PDE4D: variants seen among roughly 807,000 people sequenced by gnomAD.
PDE4D encodes the protein 3',5'-cyclic-AMP phosphodiesterase 4D.
PDE4D carries 24 observed loss-of-function variants against 87.4 expected under a neutral mutation model. The observed-to-expected ratio is 0.27, with a 90% confidence interval of 0.20 to 0.39. PDE4D has a LOEUF of 0.39. Among genes scored for constraint, PDE4D ranks in the 10% least tolerant of loss-of-function variants. The pLI is 1.00. For missense variants in PDE4D, 714 were observed against 1,041.0 expected, an observed-to-expected ratio of 0.69 and a Z score of 4.32; for synonymous variants, 384 against 383.2, an observed-to-expected ratio of 1.00 and a Z score of -0.02.
At chr5:60,403,014 C>G (rs531510390) in intron 1 of PDE4D, among the ~76,000 whole-genome samples, 147 of 152,256 alleles carry the variant, frequency 9.7e-4, no homozygotes, top group African/African-American at 3.4e-3. Context: ...AGAAACCAAA[C>G]CATTTACAGA....
At chr5:60,128,114 G>T (rs1403171581) in intron 2 of PDE4D, among the ~76,000 whole-genome samples, 1 of 152,142 alleles carries the variant, frequency 6.6e-6, no homozygotes, top group Admixed American at 6.6e-5. Context: ...GAAAAGATCT[G>T]CAATAAGGCA....
At chr5:60,041,903 A>G (rs1768540162) in intron 2 of PDE4D, among the ~76,000 whole-genome samples, 1 of 115,198 alleles carries the variant, frequency 8.7e-6, no homozygotes, top group East Asian at 4.4e-4. Flanking sequence ...AGCTAGCTGC[A>G]GGATTTTTTT....
chr5:59,348,416 A>T (rs2153585366), intron 1 of PDE4D, among the ~76,000 whole-genome samples: 1 of 149,892 alleles, frequency 6.7e-6, no homozygotes, highest in Admixed American at 6.7e-5. Context: ...CACAGAAATC[A>T]GCAAATACTA....
chr5:59,383,464 CT>C (rs1786312664), intron 1 of PDE4D, among the ~76,000 whole-genome samples: 1 of 152,278 alleles, frequency 6.6e-6, no homozygotes, highest in Admixed American at 6.5e-5. Flanking sequence ...TATTCTCAGC[CT>C]CTGTATTGAA....
At chr5:59,334,979 T>A (rs890811714) in intron 1 of PDE4D, among the ~76,000 whole-genome samples, 1 of 152,134 alleles carries the variant, frequency 6.6e-6, no homozygotes, top group Non-Finnish European at 1.5e-5. Flanking sequence ...TATTCACTCC[T>A]CATTTTTCAG....
At chr5:60,449,285 G>A (rs1487440605) in intron 1 of PDE4D, among the ~76,000 whole-genome samples, 1 of 151,928 alleles carries the variant, frequency 6.6e-6, no homozygotes, top group Non-Finnish European at 1.5e-5. Context: ...TTCATTTGGT[G>A]TTCTGAAAGA....
At chr5:60,075,333 A>G (rs1348372430) in intron 2 of PDE4D, among the ~76,000 whole-genome samples, 1 of 152,212 alleles carries the variant, frequency 6.6e-6, no homozygotes, top group Non-Finnish European at 1.5e-5. Context: ...TGTTTAATAT[A>G]GTCCCCCAAT....
At chr5:60,128,762 T>C (rs1000333942) in intron 2 of PDE4D, among the ~76,000 whole-genome samples, 1 of 152,198 alleles carries the variant, frequency 6.6e-6, no homozygotes, top group Non-Finnish European at 1.5e-5. Flanking sequence ...GCAGCATTTA[T>C]CTCACAGACC....
intron 1 of PDE4D, among the ~76,000 whole-genome samples, chr5:60,479,071 T>C (rs945768016): frequency 3.3e-5 from 5 of 152,152 alleles, no homozygotes; most frequent in Non-Finnish European, 7.3e-5. Flanking sequence ...GTTTCTCCTT[T>C]ATAAAGTGAC....
At chr5:60,288,017 A>G (rs1752564004) in intron 1 of PDE4D, among the ~76,000 whole-genome samples, 1 of 152,226 alleles carries the variant, frequency 6.6e-6, no homozygotes, top group Non-Finnish European at 1.5e-5. Context: ...ATATTGATTT[A>G]ACTAAATCAT....
chr5:59,039,973 C>T (rs558562934), intron 5 of PDE4D: 6 of 152,508 alleles, frequency 3.9e-5, no homozygotes, highest in African/African-American at 1.2e-4. Context: ...GCTAGAACCC[C>T]GCGCGCCCCG....
intron 1 of PDE4D, among the ~76,000 whole-genome samples, chr5:59,542,564 A>C (rs1408406403): frequency 1.3e-5 from 2 of 152,186 alleles, no homozygotes; most frequent in African/African-American, 4.8e-5. Context: ...GCATCTCTTC[A>C]TGCCAAGTAG....
intron 3 of PDE4D, among the ~76,000 whole-genome samples, chr5:59,918,061 A>T (rs1373421479): frequency 1.3e-5 from 2 of 152,060 alleles, no homozygotes; most frequent in Non-Finnish European, 2.9e-5. Flanking sequence ...AAAAGAGAAA[A>T]TTTGTGGGAT....
At chr5:59,668,829 A>AAGT (rs1491286788) in intron 1 of PDE4D, among the ~76,000 whole-genome samples, 1 of 77,776 alleles carries the variant, frequency 1.3e-5, no homozygotes, top group Non-Finnish European at 2.5e-5. Flanking sequence ...GAAGAAGAAG[A>AAGT]AGAGGAAGAG....
chr5:59,071,954 G>T (rs143576918), intron 5 of PDE4D, among the ~76,000 whole-genome samples: 1 of 152,124 alleles, frequency 6.6e-6, no homozygotes, highest in African/African-American at 2.4e-5. Context: ...CTCCCGAAGT[G>T]TTGGGATTAC....
chr5:60,452,461 AC>A (rs1418804276), intron 1 of PDE4D, among the ~76,000 whole-genome samples: 1 of 152,104 alleles, frequency 6.6e-6, no homozygotes, highest in Non-Finnish European at 1.5e-5. Flanking sequence ...CTCTCAGAAG[AC>A]AATGTATGTC....
At chr5:59,383,002 G>A (rs917680605) in intron 1 of PDE4D, among the ~76,000 whole-genome samples, 1 of 152,056 alleles carries the variant, frequency 6.6e-6, no homozygotes, top group Non-Finnish European at 1.5e-5. Context: ...TGCTTAGTGC[G>A]GTATCTAAAG....
intron 1 of PDE4D, among the ~76,000 whole-genome samples, chr5:60,201,383 T>C (rs1339681505): frequency 6.6e-6 from 1 of 152,052 alleles, no homozygotes; most frequent in African/African-American, 2.4e-5. Context: ...CTTGTTTGTT[T>C]AGAAAGGTAG....
chr5:59,812,044 T>A (rs1310902405), intron 1 of PDE4D, among the ~76,000 whole-genome samples: 2 of 152,206 alleles, frequency 1.3e-5, no homozygotes, highest in African/African-American at 4.8e-5. Flanking sequence ...CCCTCTCTTA[T>A]GTCCCAACCA....
Sources: allele counts gnomAD v4.1 joint callset (sites outside exome capture counted in the v4.1 genomes callset), GRCh38; gene constraint gnomAD v4.1.1; transcripts MANE v1.5; gene names NCBI Gene and HGNC (gene_info 2026-07-23, HGNC 2026-07-21).